NAALADL2: variants seen among roughly 807,000 people sequenced by gnomAD.
NAALADL2 encodes N-acetylated alpha-linked acidic dipeptidase like 2, also known as inactive N-acetylated-alpha-linked acidic dipeptidase-like protein 2.
Under a neutral mutation model 87.2 loss-of-function variants are expected in NAALADL2, and 76 were observed. The observed-to-expected ratio is 0.87, with a 90% confidence interval of 0.72 to 1.05. NAALADL2 has a LOEUF of 1.05. Ranked by LOEUF, NAALADL2 falls within the 50% of genes least tolerant of loss-of-function variation. NAALADL2 has a pLI of 0.00. For synonymous variants in NAALADL2, 354 were observed against 331.0 expected (o/e 1.07, Z -0.75); for missense variants, 1,089 against 945.8 (o/e 1.15, Z -1.99).
chr3:174,644,974 G>C (rs1007714840), intron 2 of NAALADL2, among the ~76,000 whole-genome samples: 1 of 152,178 alleles, frequency 6.6e-6, no homozygotes. Flanking sequence ...GCCGTGATGG[G>C]AATATTTTCT....
chr3:175,433,606 T>A (rs565252458), intron 5 of NAALADL2, among the ~76,000 whole-genome samples: 1 of 152,030 alleles, frequency 6.6e-6, no homozygotes, highest in Non-Finnish European at 1.5e-5. Context: ...GAAAACTCAT[T>A]ACTAAGTAAA....
At chr3:174,640,671 C>T (rs370586567) in intron 2 of NAALADL2, among the ~76,000 whole-genome samples, 3 of 152,144 alleles carry the variant, frequency 2.0e-5, no homozygotes, top group Non-Finnish European at 2.9e-5. Flanking sequence ...GTCTGGCCCT[C>T]GGGGCCTTTT....
At chr3:175,267,627 T>C (rs1218445374) in intron 4 of NAALADL2, among the ~76,000 whole-genome samples, 1 of 152,102 alleles carries the variant, frequency 6.6e-6, no homozygotes. Flanking sequence ...GAGAATATAA[T>C]ATCTGGGGTG....
chr3:174,964,941 A>T (rs1015039112), intron 1 of NAALADL2, among the ~76,000 whole-genome samples: 6 of 151,946 alleles, frequency 3.9e-5, no homozygotes, highest in African/African-American at 1.2e-4. Flanking sequence ...AGCTGAAATG[A>T]AAATGGGAGG....
chr3:174,591,285 C>A (rs1254033105), intron 2 of NAALADL2, among the ~76,000 whole-genome samples: 2 of 152,178 alleles, frequency 1.3e-5, no homozygotes, highest in African/African-American at 2.4e-5. Context: ...AGGAGAAGGG[C>A]AAATAGGGAA....
intron 2 of NAALADL2, among the ~76,000 whole-genome samples, chr3:175,178,381 AAAATAATCTT>A (rs1735990408): frequency 1.3e-5 from 2 of 152,186 alleles, no homozygotes; most frequent in South Asian, 4.1e-4. Context: ...AATGTCAGAT[AAAATAATCTT>A]GAGTAAACTA....
rs1460122040 is a variant in NAALADL2 at position 175,165,545 on chromosome 3, G to GA, written c.545+68262dup. Among the ~76,000 whole-genome samples the GA allele has an allele frequency of 2.6e-5, 4 of 151,844 alleles. No homozygotes were observed. In the South Asian group the frequency reaches 6.2e-4, roughly 24 times the overall value. ...TTTGTGTATCAAATCTTGAAATTTG[G>GA]AAAAAAAATATAATGGTGGTAAGAC... On this transcript the variant is annotated intron_variant, in intron 2 of 13. Transcript: ENST00000454872.
At chr3:174,907,289 A>T (rs1733095379) in intron 1 of NAALADL2, among the ~76,000 whole-genome samples, 1 of 152,248 alleles carries the variant, frequency 6.6e-6, no homozygotes, top group African/African-American at 2.4e-5. Context: ...GAAAAAAAAG[A>T]TACAGCAAAT....
At chr3:174,799,169 CAA>C (rs3040101) in intron 3 of NAALADL2, among the ~76,000 whole-genome samples, 48 of 125,098 alleles carry the variant, frequency 3.8e-4, no homozygotes, top group African/African-American at 9.3e-4. Context: ...GACTCTGTCT[CAA>C]AAAAAAAAAA....
intron 2 of NAALADL2, among the ~76,000 whole-genome samples, chr3:175,139,549 T>C (rs1035055026): frequency 2.0e-5 from 3 of 152,088 alleles, no homozygotes; most frequent in Admixed American, 6.5e-5. Context: ...AAATGCTACG[T>C]AGATGATTCA....
intron 3 of NAALADL2, among the ~76,000 whole-genome samples, chr3:174,852,301 C>A (rs1420616139): frequency 6.6e-6 from 1 of 151,932 alleles, no homozygotes. Flanking sequence ...GATGTTATAG[C>A]CTTATATTTA....
chr3:175,591,026 C>T (rs546234672), intron 10 of NAALADL2, among the ~76,000 whole-genome samples: 2 of 52,886 alleles, frequency 3.8e-5, no homozygotes, highest in African/African-American at 6.7e-5. Context: ...CTATGATTAA[C>T]CTGTAAGGCA....
chr3:175,753,916 T>A (rs1380219563), intron 12 of NAALADL2, among the ~76,000 whole-genome samples: 1 of 152,158 alleles, frequency 6.6e-6, no homozygotes, highest in Middle Eastern at 3.2e-3. Flanking sequence ...AGCTCTACTT[T>A]CCTTCATTAC....
chr3:175,357,756 T>A (rs181612730), intron 5 of NAALADL2, among the ~76,000 whole-genome samples: 10 of 152,326 alleles, frequency 6.6e-5, no homozygotes, highest in African/African-American at 2.2e-4. Context: ...ACTTTGTGGC[T>A]ATATCAGTCA....
intron 3 of NAALADL2, among the ~76,000 whole-genome samples, chr3:174,834,553 A>G (rs906263560): frequency 6.6e-6 from 1 of 152,010 alleles, no homozygotes; most frequent in African/African-American, 2.4e-5. Flanking sequence ...AGAAAGTCCA[A>G]ATAAATATAC....
chr3:174,631,720 C>G (rs1722132053), intron 2 of NAALADL2: 1 of 152,176 alleles, frequency 6.6e-6, no homozygotes, highest in Non-Finnish European at 1.5e-5. Context: ...ATATCTGTAA[C>G]TTTTCACTAT....
At chr3:174,882,611 G>A (rs62637867) in intron 1 of NAALADL2, among the ~76,000 whole-genome samples, 6 of 136,310 alleles carry the variant, frequency 4.4e-5, no homozygotes, top group Admixed American at 7.0e-5. Flanking sequence ...ATACATATAT[G>A]TGCATATGCA....
chr3:175,337,664 C>T (rs1456649302), intron 5 of NAALADL2, among the ~76,000 whole-genome samples: 1 of 152,150 alleles, frequency 6.6e-6, no homozygotes, highest in East Asian at 1.9e-4. Flanking sequence ...TTTTAAGCAT[C>T]TCACTCAGTA....
chr3:175,163,971 G>A (rs916275885), intron 2 of NAALADL2, among the ~76,000 whole-genome samples: 4 of 152,136 alleles, frequency 2.6e-5, no homozygotes, highest in East Asian at 1.9e-4. Context: ...GCATTTTGCC[G>A]GGAATATCTA....
Sources: gnomAD v4.1 joint callset for allele counts (sites outside exome capture counted in the v4.1 genomes callset) on GRCh38, gnomAD v4.1.1 for gene constraint, MANE v1.5 for transcripts, NCBI Gene and HGNC (gene_info 2026-07-23, HGNC 2026-07-21) for gene names.